Variants in FBXL7 observed in about 807,000 individuals in gnomAD.
FBXL7 encodes F-box and leucine rich repeat protein 7.
FBXL7 carries 12 observed loss-of-function variants against 38.3 expected under a neutral mutation model. The ratio of observed to expected loss-of-function variants is 0.31; its 90% CI spans 0.20 to 0.51. The LOEUF is 0.51. Ranked by LOEUF, FBXL7 falls within the 20% of genes least tolerant of loss-of-function variation. The probability of loss-of-function intolerance (pLI) is 0.98; values close to 1 mark genes in which losing one functional copy is unlikely to be tolerated. For synonymous variants in FBXL7, 297 were observed against 300.9 expected (o/e 0.99, Z 0.13); for missense variants, 567 against 676.4 (o/e 0.84, Z 1.79).
chr5:15,595,682 T>G (rs1297784580), intron 1 of FBXL7, among the ~76,000 whole-genome samples: 1 of 152,170 alleles, frequency 6.6e-6, no homozygotes, highest in Non-Finnish European at 1.5e-5. Flanking sequence ...ATAAGAACAC[T>G]GAGGCAGAGA....
At chr5:15,896,587 G>A (rs2126400273) in intron 2 of FBXL7, among the ~76,000 whole-genome samples, 2 of 152,250 alleles carry the variant, frequency 1.3e-5, no homozygotes, top group Middle Eastern at 3.4e-3. Flanking sequence ...AGGCCTAGGA[G>A]AATAACTCCT....
intron 2 of FBXL7, among the ~76,000 whole-genome samples, chr5:15,852,990 A>G (rs1309800873): frequency 6.6e-6 from 1 of 152,196 alleles, no homozygotes; most frequent in Non-Finnish European, 1.5e-5. Flanking sequence ...AGGGCTGACT[A>G]TTGTAAGCTT....
intron 2 of FBXL7, among the ~76,000 whole-genome samples, chr5:15,623,389 T>G (rs745577115): frequency 3.3e-5 from 5 of 152,246 alleles, no homozygotes; most frequent in African/African-American, 9.6e-5. Context: ...GTGTAAGTCC[T>G]TGCGAGGAAG....
chr5:15,584,759 T>C (rs529669459), intron 1 of FBXL7, among the ~76,000 whole-genome samples: 1 of 152,328 alleles, frequency 6.6e-6, no homozygotes, highest in African/African-American at 2.4e-5. Context: ...TATTAGTCCA[T>C]TTTCACACTG....
intron 2 of FBXL7, among the ~76,000 whole-genome samples, chr5:15,680,515 G>A (rs761693278): frequency 8.6e-5 from 13 of 152,036 alleles, no homozygotes; most frequent in Admixed American, 2.0e-4. Context: ...AAATGACTTG[G>A]CCTTTTATCA....
chr5:15,732,505 T>G (rs548533683), intron 2 of FBXL7, among the ~76,000 whole-genome samples: 36 of 152,328 alleles, frequency 2.4e-4, no homozygotes, highest in African/African-American at 7.7e-4. Flanking sequence ...AGTTTTATAT[T>G]TTAGGTAGAA....
At chr5:15,826,698 C>T (rs537723059) in intron 2 of FBXL7, among the ~76,000 whole-genome samples, 2 of 152,320 alleles carry the variant, frequency 1.3e-5, no homozygotes, top group South Asian at 2.1e-4. Flanking sequence ...GGATTACACG[C>T]ATGATCCACC....
chr5:15,584,390 G>T (rs1303281150), intron 1 of FBXL7, among the ~76,000 whole-genome samples: 1 of 152,148 alleles, frequency 6.6e-6, no homozygotes, highest in Non-Finnish European at 1.5e-5. Context: ...TTAACCATAA[G>T]TTCCAATTTC....
intron 2 of FBXL7, among the ~76,000 whole-genome samples, chr5:15,880,358 C>A (rs1280411650): frequency 6.6e-6 from 1 of 152,206 alleles, no homozygotes; most frequent in East Asian, 1.9e-4. Context: ...AGCTCCACCT[C>A]AGGAGGAGGG....
At chr5:15,729,633 G>A (rs1227002745) in intron 2 of FBXL7, among the ~76,000 whole-genome samples, 7 of 152,198 alleles carry the variant, frequency 4.6e-5, no homozygotes. Flanking sequence ...GGCAGTGTTG[G>A]CATTATAAGT....
At chr5:15,760,463 G>T in intron 2 of FBXL7, among the ~76,000 whole-genome samples, 1 of 151,304 alleles carries the variant, frequency 6.6e-6, no homozygotes, top group East Asian at 1.9e-4. Context: ...GAGAGTCCTA[G>T]ATGAAAGTAT....
intron 2 of FBXL7, among the ~76,000 whole-genome samples, chr5:15,788,413 A>G (rs1302744764): frequency 6.6e-6 from 1 of 152,200 alleles, no homozygotes; most frequent in Non-Finnish European, 1.5e-5. Context: ...ATGATGTGGC[A>G]TTGCTAAAAA....
chr5:15,593,518 C>T (rs1561042691), intron 1 of FBXL7, among the ~76,000 whole-genome samples: 1 of 151,804 alleles, frequency 6.6e-6, no homozygotes, highest in Non-Finnish European at 1.5e-5. Flanking sequence ...AGGTAGACTC[C>T]ATCTCAAAAA....
chr5:15,843,794 C>T (rs1320452019), intron 2 of FBXL7, among the ~76,000 whole-genome samples: 1 of 151,838 alleles, frequency 6.6e-6, no homozygotes, highest in Non-Finnish European at 1.5e-5. Flanking sequence ...GAAGAATCTA[C>T]ACACAGGAGC....
At chr5:15,799,037 C>G (rs556962838) in intron 2 of FBXL7, among the ~76,000 whole-genome samples, 1 of 152,270 alleles carries the variant, frequency 6.6e-6, no homozygotes, top group African/African-American at 2.4e-5. Flanking sequence ...TACTGACAAC[C>G]AAGAAATAAG....
At chr5:15,772,666 C>T (rs1180467360) in intron 2 of FBXL7, among the ~76,000 whole-genome samples, 2 of 152,034 alleles carry the variant, frequency 1.3e-5, no homozygotes, top group Non-Finnish European at 2.9e-5. Context: ...TAAAAAATGG[C>T]ATATATTATA....
At chr5:15,747,559 T>C (rs561595068) in intron 2 of FBXL7, among the ~76,000 whole-genome samples, 1 of 152,228 alleles carries the variant, frequency 6.6e-6, no homozygotes, top group African/African-American at 2.4e-5. Flanking sequence ...TTTTCAGCAG[T>C]AGCTATTATT....
chr5:15,759,716 A>AT (rs999614148), intron 2 of FBXL7, among the ~76,000 whole-genome samples: 1 of 152,150 alleles, frequency 6.6e-6, no homozygotes, highest in Admixed American at 6.6e-5. Flanking sequence ...TCATTCATTT[A>AT]TTTTTTGTTC....
intron 2 of FBXL7, among the ~76,000 whole-genome samples, chr5:15,692,087 G>T (rs956992412): frequency 6.6e-6 from 1 of 152,154 alleles, no homozygotes; most frequent in Non-Finnish European, 1.5e-5. Flanking sequence ...GCCAGAGAAT[G>T]GAAGTGAGAG....
Sources: gnomAD v4.1 joint callset for allele counts (sites outside exome capture counted in the v4.1 genomes callset) on GRCh38, gnomAD v4.1.1 for gene constraint, MANE v1.5 for transcripts, NCBI Gene and HGNC (gene_info 2026-07-23, HGNC 2026-07-21) for gene names.